Variants in EIF4ENIF1 observed in about 807,000 individuals in gnomAD.
EIF4ENIF1 encodes the protein eukaryotic translation initiation factor 4E transporter.
In EIF4ENIF1, 23 loss-of-function variants were observed where a neutral mutation model predicts 110.5. The observed-to-expected ratio is 0.21, with a 90% CI of 0.15 to 0.29. EIF4ENIF1 has a LOEUF of 0.29. Among genes scored for constraint, EIF4ENIF1 ranks in the 10% least tolerant of loss-of-function variants. The pLI is 1.00. For missense variants in EIF4ENIF1, 1,031 were observed against 1,221.1 expected (o/e 0.84, Z 2.32); for synonymous variants, 440 against 437.0 (o/e 1.01, Z -0.09).
chr22:31,449,114 G>A (rs1461459089), intron 12 of EIF4ENIF1, among the ~76,000 whole-genome samples: 1 of 152,084 alleles, frequency 6.6e-6, no homozygotes, highest in East Asian at 1.9e-4. Flanking sequence ...AGATTCAAGC[G>A]ATTCTCCTGT....
At chr22:31,485,183 A>G (rs5998002) in intron 2 of EIF4ENIF1, among the ~76,000 whole-genome samples, 63,766 of 152,036 alleles carry the variant, frequency 0.42, 13,860 homozygotes, top group Middle Eastern at 0.54. Context: ...AGTAGAAAGT[A>G]AACCTATTTC....
intron 15 of EIF4ENIF1, 56 bp downstream of exon 15, chr22:31,444,550 C>T: frequency 6.5e-7 from 1 of 1,547,128 alleles, no homozygotes; most frequent in South Asian, 1.1e-5. Flanking sequence ...ACAATCCATG[C>T]ACAACCAAAC....
Position 31,449,443 on chromosome 22 carries a change from A to T in EIF4ENIF1, c.1673T>A (p.Leu558Gln), listed in dbSNP as rs763619036. The change falls in exon 12 of 19, where the codon CTG (leucine) becomes CAG (glutamine). Residue 558 changes from leucine (L) to glutamine (Q), a missense_variant. Leu to Gln is a moderately radical substitution (Grantham distance 113). Coordinates refer to ENST00000330125, the MANE Select transcript of EIF4ENIF1 (RefSeq NM_019843.4). ...GGGAGGAGAGGGTGCTCTTTGGCCC[A>T]GTAAAGATGTTGTAGGCTCCAAGCT... ...MGSLEPTTSL[L>Q]GQRAPSPPLS... The T allele has an allele frequency of 2.5e-6, 4 of 1,614,202 alleles. No homozygotes were observed. In the South Asian group the frequency reaches 4.4e-5, roughly 18 times the overall value.
chr22:31,466,411 T>C (rs1601613459), intron 4 of EIF4ENIF1, among the ~76,000 whole-genome samples: 1 of 26,146 alleles, frequency 3.8e-5, no homozygotes, highest in Non-Finnish European at 8.6e-5. Flanking sequence ...AGACTCTGTC[T>C]CGGTGGGGGG....
At chr22:31,457,124 A>T (rs1465087591) in intron 7 of EIF4ENIF1, among the ~76,000 whole-genome samples, 2 of 152,256 alleles carry the variant, frequency 1.3e-5, no homozygotes, top group Non-Finnish European at 2.9e-5. Context: ...TCCAAGTCAA[A>T]GTTTAGAAAA....
chr22:31,462,107 A>G lies in EIF4ENIF1; in HGVS notation c.787+825T>C, dbSNP rs201444610. 7.2e-5 allele frequency among the ~76,000 whole-genome samples: 11 copies of G among 152,296 alleles called. No individual in the cohort carries two copies. The East Asian group carries it at 1.9e-3, about 27-fold the overall frequency. On this transcript the variant is annotated intron_variant, in intron 6 of 18. Transcript: ENST00000330125. Reference sequence around the variant, plus strand: ...CATGTACACAGTCCTCTTACAGGATAACTTCAGACTTTTCTGTTTAGTGTG... The same window carrying G: ...CATGTACACAGTCCTCTTACAGGATGACTTCAGACTTTTCTGTTTAGTGTG...
intron 10 of EIF4ENIF1, chr22:31,453,393 T>C: frequency 2.5e-6 from 1 of 403,800 alleles, no homozygotes; most frequent in Non-Finnish European, 4.9e-6. Flanking sequence ...TTTTTTTTTT[T>C]GGAGACAGTC....
intron 2 of EIF4ENIF1, among the ~76,000 whole-genome samples, chr22:31,481,785 C>T (rs146352225): frequency 6.6e-6 from 1 of 152,230 alleles, no homozygotes; most frequent in East Asian, 1.9e-4. Flanking sequence ...AATTGGCCTA[C>T]CAGCCACAAA....
At chr22:31,469,627 T>G (rs2051296819) in intron 3 of EIF4ENIF1, among the ~76,000 whole-genome samples, 1 of 152,236 alleles carries the variant, frequency 6.6e-6, no homozygotes, top group African/African-American at 2.4e-5. Context: ...CTCCTCTTTC[T>G]TATTTTTACC....
In EIF4ENIF1 at chr22:31,463,903, A is replaced by C. The variant is rs1601606722; in HGVS notation, c.363T>G (p.Phe121Leu). Residue 121 changes from phenylalanine (F) to leucine (L), a missense_variant, in exon 5 of 19, where the codon TTT (phenylalanine) becomes TTG (leucine). Transcript: ENST00000330125. ...CGGCTGTCACGTGGCAGCCCCCTCC[A>C]AAGCTCCGTCTCTGAGGGCTGAGAA... ...DVVLSPQRRS[F>L]GGGCHVTAAV... 1.2e-6 allele frequency: 2 copies of C among 1,614,176 alleles called. No individual in the cohort carries two copies. The highest frequency in any genetic ancestry group is 1.7e-6 in the Non-Finnish European group (2 of 1,180,044).
intron 7 of EIF4ENIF1, among the ~76,000 whole-genome samples, chr22:31,456,456 C>T (rs1270125571): frequency 6.6e-6 from 1 of 151,996 alleles, no homozygotes; most frequent in African/African-American, 2.4e-5. Context: ...ATCTCCTGAC[C>T]TTGTGATCCG....
rs566659493 is a variant in EIF4ENIF1, at chr22:31,442,904, C to T, written c.2206+58G>A. The T allele has an allele frequency of 1.4e-5, 22 of 1,600,006 alleles. No individual in the cohort carries two copies. In the East Asian group the frequency reaches 4.7e-4, roughly 34 times the overall value. On this transcript the variant is annotated intron_variant, in intron 16 of 18. Transcript: ENST00000330125. ...AATATCAGGCTGGTCAGCGCTCAGGCCCATGTTTTCTCCATCACATACTTT... is the reference window on the plus strand; with the variant it reads ...AATATCAGGCTGGTCAGCGCTCAGGTCCATGTTTTCTCCATCACATACTTT...
chr22:31,448,168 G>A lies in EIF4ENIF1; in HGVS notation c.1833C>T (p.Ser611=). ...DPFQGMRKPM[S]PITAQMSQLE... is the part of the protein sequence containing the mutation. ...TCAGCCTGACCTGGGCTGTGATGGGGCTCATGGGTTTGCGCATGCCTTGGA... is the reference window on the plus strand; with the variant it reads ...TCAGCCTGACCTGGGCTGTGATGGGACTCATGGGTTTGCGCATGCCTTGGA... Residue 611 remains serine, a synonymous_variant, in exon 13 of 19, where the codon AGC becomes AGT. Transcript: ENST00000330125. 6.2e-7 allele frequency: 1 copy of A among 1,614,194 alleles called. No homozygotes were observed. Among genetic ancestry groups the A allele is most frequent in the East Asian group, 2.2e-5 (1 of 44,886 alleles).
At chr22:31,450,799 CAT>C (rs2050629295) in intron 10 of EIF4ENIF1, 1 of 207,418 alleles carries the variant, frequency 4.8e-6, no homozygotes, top group South Asian at 7.9e-5. Flanking sequence ...TACACATATA[CAT>C]ACACATACAT....
At chr22:31,491,732 G>A (rs2052287049), upstream of EIF4ENIF1, among the ~76,000 whole-genome samples, 1 of 152,016 alleles carries the variant, frequency 6.6e-6, no homozygotes, top group African/African-American at 2.4e-5. Flanking sequence ...TTGCAGAGAC[G>A]GGATCTTGCT....
intron 18 of EIF4ENIF1, 34 bp downstream of exon 18, chr22:31,440,670 G>T (rs369850044): frequency 3.9e-5 from 63 of 1,604,066 alleles, no homozygotes; most frequent in Non-Finnish European, 5.3e-5. Flanking sequence ...CCCTAAGTCC[G>T]TCCCAAACTC....
At chr22:31,460,628 CA>C (rs1292206696) in intron 6 of EIF4ENIF1, among the ~76,000 whole-genome samples, 4 of 125,738 alleles carry the variant, frequency 3.2e-5, no homozygotes, top group African/African-American at 3.0e-5. Flanking sequence ...GACTCCGTCT[CA>C]AAAAAAAAAG....
In EIF4ENIF1 at chr22:31,444,705, A is replaced by G. The variant is rs139043655; in HGVS notation, c.1989-15T>C. On this transcript the variant is annotated splice_polypyrimidine_tract_variant and intron_variant, in intron 14 of 18. Transcript: ENST00000330125. ...CTCGCTGTTGCCTGTGAACAAACCA[A>G]TTATCAGCATGAACCCCAATCTGCT... The G allele has an allele frequency of 2.6e-4, 420 of 1,613,178 alleles. 3 individuals are homozygous for G. In the African/African-American group the frequency reaches 4.6e-3, roughly 18 times the overall value.
intron 2 of EIF4ENIF1, among the ~76,000 whole-genome samples, chr22:31,475,175 A>G (rs911219932): frequency 1.3e-5 from 2 of 152,254 alleles, no homozygotes; most frequent in East Asian, 1.9e-4. Flanking sequence ...TACCTGTCTT[A>G]TAACTGGATA....
Sources: gnomAD v4.1 joint callset for allele counts (sites outside exome capture counted in the v4.1 genomes callset) on GRCh38, gnomAD v4.1.1 for gene constraint, MANE v1.5 for transcripts, NCBI Gene and HGNC (gene_info 2026-07-23, HGNC 2026-07-21) for gene names.